Variants in FNBP1L observed in about 807,000 individuals in gnomAD.
FNBP1L encodes formin binding protein 1 like, also known as formin-binding protein 1-like.
A neutral mutation model predicts 91.2 loss-of-function variants in FNBP1L; 36 were observed. The observed-to-expected ratio is 0.39, with a 90% confidence interval of 0.30 to 0.52. The LOEUF (loss-of-function observed/expected upper bound fraction) is 0.52. FNBP1L is among the 20% of genes least tolerant of loss of function. The pLI, the probability that FNBP1L is intolerant of heterozygous loss-of-function variation, is 0.66. For missense variants in FNBP1L, 571 were observed against 732.1 expected (o/e 0.78, Z 2.54); for synonymous variants, 242 against 237.0 (o/e 1.02, Z -0.19).
intron 1 of FNBP1L, among the ~76,000 whole-genome samples, chr1:93,465,220 A>T (rs1413033782): frequency 1.3e-5 from 2 of 149,452 alleles, no homozygotes; most frequent in Non-Finnish European, 3.0e-5. Flanking sequence ...TTTTATTATT[A>T]TACTTTAAGT....
At chr1:93,489,260 T>C (rs1302850324) in intron 1 of FNBP1L, among the ~76,000 whole-genome samples, 1 of 151,826 alleles carries the variant, frequency 6.6e-6, no homozygotes, top group Non-Finnish European at 1.5e-5. Flanking sequence ...ATCCAAGCTG[T>C]ATAAAGGTGG....
At chr1:93,455,557 T>C (rs1273250925) in intron 1 of FNBP1L, among the ~76,000 whole-genome samples, 4 of 152,224 alleles carry the variant, frequency 2.6e-5, no homozygotes, top group Non-Finnish European at 5.9e-5. Flanking sequence ...TGGACAACTA[T>C]ATTTTTACTT....
At chr1:93,470,739 GGT>G (rs1557778775) in intron 1 of FNBP1L, among the ~76,000 whole-genome samples, 8 of 152,048 alleles carry the variant, frequency 5.3e-5, no homozygotes, top group African/African-American at 1.9e-4. Context: ...CAGGCGTCAT[GGT>G]GCATGCCTGT....
chr1:93,459,940 G>GGT (rs1557773915), intron 1 of FNBP1L, among the ~76,000 whole-genome samples: 14 of 54,830 alleles, frequency 2.6e-4, no homozygotes, highest in African/African-American at 5.2e-4. Context: ...TTGGATTTCA[G>GGT]ATGTGTGTGT....
At chr1:93,488,161 T>C (rs1192627614) in intron 1 of FNBP1L, among the ~76,000 whole-genome samples, 1 of 152,184 alleles carries the variant, frequency 6.6e-6, no homozygotes, top group East Asian at 1.9e-4. Context: ...CTTAACCACT[T>C]TTCACTACCC....
intron 11 of FNBP1L, among the ~76,000 whole-genome samples, chr1:93,541,827 G>A (rs1672055344): frequency 6.6e-6 from 1 of 152,078 alleles, no homozygotes; most frequent in Admixed American, 6.5e-5. Context: ...ATAAAGTTAA[G>A]TTTAATTCTC....
At chr1:93,459,940 G>GGTGTGTGTGTGTGTGTGTGT (rs1557773915) in intron 1 of FNBP1L, among the ~76,000 whole-genome samples, 1 of 54,830 alleles carries the variant, frequency 1.8e-5, no homozygotes, top group Non-Finnish European at 4.3e-5. Flanking sequence ...TTGGATTTCA[G>GGTGTGTGTGTGTGTGTGTGT]ATGTGTGTGT....
chr1:93,478,623 A>G (rs1484600282), intron 1 of FNBP1L, among the ~76,000 whole-genome samples: 5 of 152,174 alleles, frequency 3.3e-5, no homozygotes, highest in Admixed American at 3.3e-4. Context: ...CCTTGAGTAC[A>G]GTAAAGAGGG....
intron 16 of FNBP1L, chr1:93,551,314 TG>T: frequency 8.0e-7 from 1 of 1,244,842 alleles, no homozygotes. Flanking sequence ...CTTTACTGTT[TG>T]AGTAACGTTG....
At chr1:93,543,952 C>A in intron 11 of FNBP1L, 155 bp from the exon 12 acceptor site, 1 of 481,148 alleles carries the variant, frequency 2.1e-6, no homozygotes, top group Non-Finnish European at 3.8e-6. Context: ...TAAACACACA[C>A]ATCTGTGTAG....
intron 2 of FNBP1L, among the ~76,000 whole-genome samples, chr1:93,507,942 C>A (rs1340089038): frequency 6.6e-6 from 1 of 151,204 alleles, no homozygotes; most frequent in African/African-American, 2.4e-5. Context: ...AGCCACCACC[C>A]CTGGCCTAGT....
Position 93,552,548 on chromosome 1 carries a change from T to G in FNBP1L, c.*132T>G. On this transcript the variant is annotated 3_prime_UTR_variant, in exon 17 of 17. Coordinates refer to ENST00000271234, the MANE Select transcript of FNBP1L (RefSeq NM_001164473.3). ...TTGCATGAGTGCATGCAGACATGAT[T>G]TTTTTTTTACTAACTTCATTAGCAT... 1 of 853,382 alleles carries G rather than the reference T, an allele frequency of 1.2e-6. No homozygotes were observed. The allele number at this position is 853,382 out of a possible 1,614,324, so 52.9% of individuals were successfully genotyped here. A position where few individuals can be genotyped will look rare whatever the true frequency, so the allele number is the denominator to read the frequency against.
At chr1:93,517,732 C>G (rs1399694348) in intron 2 of FNBP1L, among the ~76,000 whole-genome samples, 1 of 151,608 alleles carries the variant, frequency 6.6e-6, no homozygotes, top group African/African-American at 2.4e-5. Flanking sequence ...TGAAGCAACT[C>G]TTCTTCCTTC....
chr1:93,468,457 G>T (rs891952074), intron 1 of FNBP1L, among the ~76,000 whole-genome samples: 6 of 152,152 alleles, frequency 3.9e-5, no homozygotes, highest in African/African-American at 1.4e-4. Flanking sequence ...TGGAGACAGG[G>T]TCTCGCTCTG....
intron 15 of FNBP1L, among the ~76,000 whole-genome samples, chr1:93,550,489 T>G (rs1186069172): frequency 6.6e-6 from 1 of 152,196 alleles, no homozygotes; most frequent in Non-Finnish European, 1.5e-5. Flanking sequence ...CTACCATCTC[T>G]AGAGTCAAAC....
intron 2 of FNBP1L, among the ~76,000 whole-genome samples, chr1:93,507,734 C>T (rs149021935): frequency 0.013 from 2,049 of 152,176 alleles, 27 homozygotes; most frequent in Middle Eastern, 0.031. Flanking sequence ...GTGCAACCTC[C>T]GCTGCCCAGG....
At position 93,499,689 on chromosome 1, in the gene FNBP1L, G is replaced by C. The variant is rs892282481; in HGVS notation, c.140+106G>C. 8.7e-5 allele frequency: 57 copies of C among 655,362 alleles called. No homozygotes were observed. The African/African-American group carries it at 9.9e-4, about 11-fold the overall frequency. 40.6% of individuals were successfully genotyped at this position (655,362 alleles called of 1,614,324 possible). The stretch of plus-strand genomic sequence containing the variant: ...AGGTTAAATTCTATGTTTTTCATCA[G>C]AATTAGATTGAATTAGGTAACCGGT... On this transcript the variant is annotated intron_variant, in intron 2 of 16. Coordinates refer to ENST00000271234, the MANE Select transcript of FNBP1L (RefSeq NM_001164473.3).
intron 1 of FNBP1L, among the ~76,000 whole-genome samples, chr1:93,490,166 AG>A (rs978286592): frequency 1.0e-4 from 1 of 9,590 alleles, no homozygotes; most frequent in African/African-American, 1.2e-4. Context: ...TACATAAAAT[AG>A]TTTTTTTTAA....
At chr1:93,507,580 T>C (rs1670679567) in intron 2 of FNBP1L, among the ~76,000 whole-genome samples, 1 of 152,206 alleles carries the variant, frequency 6.6e-6, no homozygotes, top group Non-Finnish European at 1.5e-5. Flanking sequence ...TAGACTGTTT[T>C]TTCAGAAGGC....
Sources: gnomAD v4.1 joint callset for allele counts (sites outside exome capture counted in the v4.1 genomes callset) on GRCh38, gnomAD v4.1.1 for gene constraint, MANE v1.5 for transcripts, NCBI Gene and HGNC (gene_info 2026-07-23, HGNC 2026-07-21) for gene names.